The following TEAD1 variants were observed in gnomAD, a reference collection of about 807,000 sequenced individuals.
The protein encoded by TEAD1 is transcriptional enhancer factor TEF-1.
In TEAD1, 9 loss-of-function variants were observed where a neutral mutation model predicts 54.9. That is an observed-to-expected ratio of 0.16 (90% confidence interval 0.10 to 0.29). The LOEUF is 0.29. Among genes scored for constraint, TEAD1 ranks in the 10% least tolerant of loss-of-function variants. The pLI is 1.00. For synonymous variants in TEAD1, 200 were observed against 187.8 expected (o/e 1.07, Z -0.53); for missense variants, 387 against 535.9 (o/e 0.72, Z 2.74).
intron 3 of TEAD1, among the ~76,000 whole-genome samples, chr11:12,809,424 C>G (rs533554258): frequency 6.6e-6 from 1 of 152,206 alleles, no homozygotes; most frequent in African/African-American, 2.4e-5. Flanking sequence ...CTGCATTTCA[C>G]TCATTGCTGG....
chr11:12,839,825 A>G (rs1946986359), intron 3 of TEAD1, among the ~76,000 whole-genome samples: 1 of 152,178 alleles, frequency 6.6e-6, no homozygotes, highest in Non-Finnish European at 1.5e-5. Context: ...ATATGATAGA[A>G]AGCCCACATT....
chr11:12,883,296 T>C (rs1948007759), intron 9 of TEAD1, among the ~76,000 whole-genome samples, 171 bp downstream of exon 9: 1 of 152,224 alleles, frequency 6.6e-6, no homozygotes, highest in South Asian at 2.1e-4. Context: ...AAGGGATTCC[T>C]ATTGGCAGAT....
intron 2 of TEAD1, among the ~76,000 whole-genome samples, chr11:12,719,912 T>G (rs979780378): frequency 1.4e-5 from 2 of 142,270 alleles, no homozygotes; most frequent in African/African-American, 5.0e-5. Context: ...TAATGAAAAT[T>G]CAACTTTGCA....
chr11:12,846,746 A>G (rs1174462525), intron 3 of TEAD1, among the ~76,000 whole-genome samples: 2 of 152,172 alleles, frequency 1.3e-5, no homozygotes, highest in African/African-American at 2.4e-5. Context: ...GCTCTCTGTC[A>G]GTGGTGGATT....
intron 3 of TEAD1, among the ~76,000 whole-genome samples, chr11:12,811,763 A>C (rs1946305476): frequency 7.1e-6 from 1 of 140,462 alleles, no homozygotes; most frequent in Non-Finnish European, 1.5e-5. Flanking sequence ...GGTCTTGCCC[A>C]CAGTGGAGTG....
At chr11:12,725,324 C>G (rs1268749367) in intron 2 of TEAD1, among the ~76,000 whole-genome samples, 1 of 152,152 alleles carries the variant, frequency 6.6e-6, no homozygotes, top group Non-Finnish European at 1.5e-5. Context: ...TTATAACATT[C>G]ATTCATTAAG....
intron 3 of TEAD1, among the ~76,000 whole-genome samples, chr11:12,824,653 A>G (rs1277621092): frequency 1.3e-5 from 2 of 152,222 alleles, no homozygotes; most frequent in South Asian, 2.1e-4. Flanking sequence ...CTTCCAGGCC[A>G]TTACCAGTTT....
chr11:12,696,095 G>C (rs985380565), intron 2 of TEAD1, among the ~76,000 whole-genome samples: 5 of 152,230 alleles, frequency 3.3e-5, no homozygotes, highest in Non-Finnish European at 7.3e-5. Flanking sequence ...CTGTACAGCT[G>C]TGCCTCCTTA....
chr11:12,809,878 A>T (rs972967016), intron 3 of TEAD1, among the ~76,000 whole-genome samples: 6 of 151,850 alleles, frequency 4.0e-5, no homozygotes, highest in African/African-American at 1.5e-4. Context: ...GGTTATGGAA[A>T]TGTTCCTGAG....
At chr11:12,769,343 A>G (rs1945271426) in intron 3 of TEAD1, among the ~76,000 whole-genome samples, 1 of 152,182 alleles carries the variant, frequency 6.6e-6, no homozygotes, top group African/African-American at 2.4e-5. Flanking sequence ...AGCAGAAGTC[A>G]GAAGAGGAAA....
At chr11:12,813,145 G>C (rs1328622893) in intron 3 of TEAD1, among the ~76,000 whole-genome samples, 1 of 152,182 alleles carries the variant, frequency 6.6e-6, no homozygotes, top group Non-Finnish European at 1.5e-5. Context: ...TCAAGATACT[G>C]TGCTGAGGGA....
At chr11:12,920,681 A>G (rs775597875) in intron 10 of TEAD1, among the ~76,000 whole-genome samples, 1 of 152,230 alleles carries the variant, frequency 6.6e-6, no homozygotes, top group South Asian at 2.1e-4. Flanking sequence ...GAACAACTTG[A>G]TTAATCAAAA....
intron 2 of TEAD1, among the ~76,000 whole-genome samples, chr11:12,690,969 T>C (rs1347759428): frequency 6.6e-6 from 1 of 152,200 alleles, no homozygotes; most frequent in African/African-American, 2.4e-5. Context: ...CAGGCTGGTC[T>C]GAAACTCCTG....
intron 12 of TEAD1, among the ~76,000 whole-genome samples, chr11:12,934,754 T>C (rs942003247): frequency 1.1e-4 from 16 of 152,080 alleles, no homozygotes; most frequent in African/African-American, 3.9e-4. Flanking sequence ...CATTGAAATA[T>C]TTTAATTCAG....
chr11:12,706,553 G>T (rs936919637), intron 2 of TEAD1, among the ~76,000 whole-genome samples: 7 of 152,160 alleles, frequency 4.6e-5, no homozygotes, highest in Admixed American at 3.9e-4. Flanking sequence ...TTATATATAA[G>T]GTTTCCTCTG....
At chr11:12,802,481 T>C (rs1169330401) in intron 3 of TEAD1, among the ~76,000 whole-genome samples, 1 of 152,142 alleles carries the variant, frequency 6.6e-6, no homozygotes, top group East Asian at 1.9e-4. Flanking sequence ...AACAATTACA[T>C]GTTCCCCCCA....
chr11:12,746,765 G>A (rs900942529), intron 2 of TEAD1, among the ~76,000 whole-genome samples: 3 of 152,220 alleles, frequency 2.0e-5, no homozygotes, highest in African/African-American at 7.2e-5. Context: ...TGGGCCCAGC[G>A]CAGCCCCCTG....
Position 12,735,299 on chromosome 11 carries a change from TCACTCTGAGTCTCGTCTGAATAAG to T in TEAD1, c.-54-28877_-54-28854del, listed in dbSNP as rs531379620. 1.1e-3 allele frequency among the ~76,000 whole-genome samples: 161 copies of T among 152,314 alleles called. 1 individual carries two copies. In the East Asian group the frequency reaches 0.03, roughly 29 times the overall value. On this transcript the variant is annotated intron_variant, in intron 2 of 12. Transcript: ENST00000527636. ...GTCCTCCAGTTCCTTTTTGGTTCAT[TCACTCTGAGTCTCGTCTGAATAAG>T]CATTAGGGGAAGGGCTTCCTGGAGG...
At chr11:12,739,392 A>C (rs184980962) in intron 2 of TEAD1, among the ~76,000 whole-genome samples, 3 of 152,302 alleles carry the variant, frequency 2.0e-5, no homozygotes, top group Non-Finnish European at 2.9e-5. Context: ...CCATGCACAG[A>C]ACTCTTTTTA....
Sources: gnomAD v4.1 joint callset for allele counts (sites outside exome capture counted in the v4.1 genomes callset) on GRCh38, gnomAD v4.1.1 for gene constraint, MANE v1.5 for transcripts, NCBI Gene and HGNC (gene_info 2026-07-23, HGNC 2026-07-21) for gene names.